The following PTPRT variants were observed in gnomAD, a reference collection of about 807,000 sequenced individuals.
PTPRT encodes the protein receptor-type tyrosine-protein phosphatase T.
A neutral mutation model predicts 176.8 loss-of-function variants in PTPRT; 56 were observed. The ratio of observed to expected loss-of-function variants is 0.32; its 90% CI spans 0.26 to 0.40. PTPRT has a LOEUF of 0.40. Ranked by LOEUF, PTPRT falls within the 10% of genes least tolerant of loss-of-function variation. The probability of loss-of-function intolerance (pLI) is 1.00; values close to 1 mark genes in which losing one functional copy is unlikely to be tolerated. For synonymous variants in PTPRT, 783 were observed against 739.0 expected (o/e 1.06, Z -0.96); for missense variants, 1,540 against 1,908.2 (o/e 0.81, Z 3.60).
chr20:42,325,024 A>G (rs933236393), intron 11 of PTPRT, among the ~76,000 whole-genome samples: 4 of 152,218 alleles, frequency 2.6e-5, no homozygotes, highest in Non-Finnish European at 4.4e-5. Context: ...AGCTCAATAA[A>G]GTAAACATAG....
In PTPRT at chr20:42,174,759, C is replaced by T. The variant is rs564650808; in HGVS notation, c.2492-13217G>A. On this transcript the variant is annotated intron_variant, in intron 16 of 30. Transcript: ENST00000373187. ...GTACAGACTTTGGACATGAATAGGG[C>T]TGAGTGAGAACCCTGACACCATCAC... 2.6e-5 allele frequency among the ~76,000 whole-genome samples: 4 copies of T among 152,272 alleles called. No homozygotes were observed. In the Middle Eastern group the frequency reaches 0.01, roughly 388 times the overall value.
intron 8 of PTPRT, among the ~76,000 whole-genome samples, chr20:42,463,486 AC>A (rs1197888853): frequency 2.0e-5 from 3 of 152,166 alleles, no homozygotes; most frequent in African/African-American, 7.2e-5. Flanking sequence ...CTGTAATTAA[AC>A]CAGATGTTTT....
chr20:42,794,122 G>T (rs1354587919), intron 2 of PTPRT, among the ~76,000 whole-genome samples: 2 of 152,186 alleles, frequency 1.3e-5, no homozygotes, highest in Non-Finnish European at 2.9e-5. Context: ...TGAGGAGGTA[G>T]AGATTGCCCT....
intron 1 of PTPRT, among the ~76,000 whole-genome samples, chr20:43,179,138 C>T (rs2015188372): frequency 6.6e-6 from 1 of 152,336 alleles, no homozygotes; most frequent in Non-Finnish European, 1.5e-5. Context: ...AAACATCCTT[C>T]CTTCACTGCA....
At chr20:42,730,606 T>G (rs1025604261) in intron 6 of PTPRT, among the ~76,000 whole-genome samples, 4 of 152,188 alleles carry the variant, frequency 2.6e-5, no homozygotes, top group Non-Finnish European at 4.4e-5. Flanking sequence ...GGGAACCAAA[T>G]GCTGTCAGTT....
intron 1 of PTPRT, among the ~76,000 whole-genome samples, chr20:43,013,268 C>T (rs1285209903): frequency 6.6e-6 from 1 of 152,044 alleles, no homozygotes; most frequent in Non-Finnish European, 1.5e-5. Flanking sequence ...GTGGATTCGC[C>T]TAAATGACCC....
At chr20:42,712,966 T>C (rs1400303902) in intron 6 of PTPRT, among the ~76,000 whole-genome samples, 1 of 152,170 alleles carries the variant, frequency 6.6e-6, no homozygotes, top group Non-Finnish European at 1.5e-5. Flanking sequence ...AGGAAGCTCT[T>C]TATGTCTGAA....
intron 7 of PTPRT, among the ~76,000 whole-genome samples, chr20:42,572,313 A>T (rs1450069157): frequency 6.6e-6 from 1 of 152,028 alleles, no homozygotes; most frequent in East Asian, 1.9e-4. Context: ...ACCATAGCAC[A>T]TCCTTCATTG....
At chr20:42,847,783 A>G in intron 2 of PTPRT, among the ~76,000 whole-genome samples, 1 of 152,198 alleles carries the variant, frequency 6.6e-6, no homozygotes, top group East Asian at 1.9e-4. Context: ...CTTTGCATCA[A>G]TGACAGGGCA....
intron 1 of PTPRT, among the ~76,000 whole-genome samples, chr20:42,948,764 C>A (rs1168768216): frequency 6.6e-6 from 1 of 152,176 alleles, no homozygotes; most frequent in East Asian, 1.9e-4. Context: ...TTACTTTTTG[C>A]TTATGCCATT....
intron 12 of PTPRT, among the ~76,000 whole-genome samples, chr20:42,296,154 G>C (rs1351523810): frequency 6.6e-6 from 1 of 152,190 alleles, no homozygotes; most frequent in Non-Finnish European, 1.5e-5. Context: ...ATGGGATTAA[G>C]AGTGCTAAAT....
At chr20:42,378,310 C>T (rs1044740032) in intron 9 of PTPRT, among the ~76,000 whole-genome samples, 1 of 152,174 alleles carries the variant, frequency 6.6e-6, no homozygotes, top group Admixed American at 6.5e-5. Context: ...TACCTACTGA[C>T]TGTATGATTC....
At chr20:42,462,209 A>C (rs2071032934) in intron 8 of PTPRT, among the ~76,000 whole-genome samples, 1 of 152,164 alleles carries the variant, frequency 6.6e-6, no homozygotes, top group African/African-American at 2.4e-5. Context: ...TGTGGAAGTG[A>C]GAACAGGTGG....
intron 7 of PTPRT, among the ~76,000 whole-genome samples, chr20:42,611,864 T>G (rs2073981439): frequency 6.6e-6 from 1 of 152,078 alleles, no homozygotes; most frequent in Admixed American, 6.5e-5. Flanking sequence ...TCCATAGCTA[T>G]TTCACCCACC....
intron 2 of PTPRT, among the ~76,000 whole-genome samples, chr20:42,798,870 A>G (rs1165345597): frequency 6.6e-6 from 1 of 151,894 alleles, no homozygotes; most frequent in Non-Finnish European, 1.5e-5. Context: ...ACCCCCAGTG[A>G]TTGGATTTGA....
chr20:42,054,904 A>T, the PTPRT span, among the ~76,000 whole-genome samples: 1 of 152,194 alleles, frequency 6.6e-6, no homozygotes, highest in Non-Finnish European at 1.5e-5. Context: ...CTGTCTCTCC[A>T]TGACCCGCCT....
intron 5 of PTPRT, among the ~76,000 whole-genome samples, chr20:42,767,977 TACACACACACACACACACACAC>T (rs35599788): frequency 4.0e-5 from 5 of 125,252 alleles, no homozygotes; most frequent in South Asian, 2.8e-4. Context: ...TATAAAATTA[TACACACACACACACACACACAC>T]ACACACACAC....
intron 7 of PTPRT, among the ~76,000 whole-genome samples, chr20:42,563,741 A>T (rs993728843): frequency 1.3e-5 from 2 of 152,222 alleles, no homozygotes; most frequent in African/African-American, 4.8e-5. Flanking sequence ...AGTAGGTTGC[A>T]AAAAATAAGT....
At chr20:43,047,917 ACT>A (rs953109431) in intron 1 of PTPRT, among the ~76,000 whole-genome samples, 1 of 152,050 alleles carries the variant, frequency 6.6e-6, no homozygotes, top group Non-Finnish European at 1.5e-5. Context: ...TGAACTCAGG[ACT>A]CTCTCATCAC....
Sources: gnomAD v4.1 joint callset for allele counts (sites outside exome capture counted in the v4.1 genomes callset) on GRCh38, gnomAD v4.1.1 for gene constraint, MANE v1.5 for transcripts, NCBI Gene and HGNC (gene_info 2026-07-23, HGNC 2026-07-21) for gene names.